Variants in NDUFAB1 observed in about 807,000 individuals in gnomAD.
The protein encoded by NDUFAB1 is acyl carrier protein, mitochondrial.
NDUFAB1 carries 5 observed loss-of-function variants against 16.1 expected under a neutral mutation model. That is an observed-to-expected ratio of 0.31 (90% CI 0.16 to 0.65). The LOEUF (loss-of-function observed/expected upper bound fraction) is 0.65, where lower values mean the gene tolerates loss of function less well. Among genes scored for constraint, NDUFAB1 ranks in the 30% least tolerant of loss-of-function variants. NDUFAB1 has a pLI of 0.77. For synonymous variants in NDUFAB1, 85 were observed against 78.4 expected (o/e 1.08, Z -0.44); for missense variants, 187 against 205.3 (o/e 0.91, Z 0.54).
At chr16:23,585,950 G>T (rs568358586) in intron 2 of NDUFAB1, among the ~76,000 whole-genome samples, 13 of 152,214 alleles carry the variant, frequency 8.5e-5, no homozygotes, top group African/African-American at 3.1e-4. Context: ...GGTTTTTTGA[G>T]AAAGTCTTGC....
intron 3 of NDUFAB1, among the ~76,000 whole-genome samples, chr16:23,583,241 G>A (rs1238080718): frequency 2.6e-5 from 4 of 152,094 alleles, no homozygotes; most frequent in Non-Finnish European, 4.4e-5. Context: ...GCCGCCCATC[G>A]TCTGGGATGT....
intron 1 of NDUFAB1, among the ~76,000 whole-genome samples, chr16:23,594,132 C>G (rs1000540966): frequency 6.6e-6 from 1 of 151,910 alleles, no homozygotes. Context: ...CCGCCCGTCT[C>G]GGCCTCCCAA....
chr16:23,591,178 T>A (rs466220), intron 1 of NDUFAB1: 12,928 of 151,916 alleles, frequency 0.085, 602 homozygotes, highest in East Asian at 0.17. Flanking sequence ...ATAAAAGGGA[T>A]ACAAAATGGA....
chr16:23,588,484 C>G, intron 1 of NDUFAB1, among the ~76,000 whole-genome samples: 1 of 151,984 alleles, frequency 6.6e-6, no homozygotes, highest in East Asian at 1.9e-4. Context: ...AATCCCTAAT[C>G]TAAATTGGTT....
intron 1 of NDUFAB1, among the ~76,000 whole-genome samples, chr16:23,590,638 C>CTCTTTTTTT (rs574003194): frequency 1.5e-5 from 2 of 131,834 alleles, no homozygotes; most frequent in African/African-American, 5.8e-5. Flanking sequence ...CCTCTGGTCT[C>CTCTTTTTTT]TTTTTTTTTT....
chr16:23,588,453 CAAAA>C (rs998387602), intron 1 of NDUFAB1, among the ~76,000 whole-genome samples: 2 of 151,144 alleles, frequency 1.3e-5, no homozygotes, highest in African/African-American at 2.4e-5. Flanking sequence ...GACTCCGTCT[CAAAA>C]AAAAGAAAAA....
At chr16:23,592,060 G>A (rs1210095765) in intron 1 of NDUFAB1, among the ~76,000 whole-genome samples, 6 of 152,214 alleles carry the variant, frequency 3.9e-5, no homozygotes, top group African/African-American at 1.4e-4. Context: ...AGTATCTGTA[G>A]GCTGATGCAA....
intron 3 of NDUFAB1, among the ~76,000 whole-genome samples, chr16:23,583,081 G>A (rs1323558444): frequency 6.6e-6 from 1 of 152,274 alleles, no homozygotes; most frequent in African/African-American, 2.4e-5. Context: ...GGCCTCCCGA[G>A]GTGCCGGGAT....
intron 1 of NDUFAB1, among the ~76,000 whole-genome samples, chr16:23,593,710 A>G (rs2142239218): frequency 6.6e-6 from 1 of 152,322 alleles, no homozygotes; most frequent in African/African-American, 2.4e-5. Flanking sequence ...TCTGTATTCC[A>G]GCCTAAGTGA....
Position 23,587,211 on chromosome 16 carries a change from T to C in NDUFAB1, c.277A>G (p.Ile93Val), listed in dbSNP as rs772169567. The C allele has an allele frequency of 2.5e-6, 4 of 1,613,526 alleles. No homozygotes were observed. The highest frequency in any genetic ancestry group is 2.5e-6 in the Non-Finnish European group (3 of 1,179,832). Reference protein sequence around the residue: ...VLYVLKLYDKIDPEKLSVNSH... With the variant: ...VLYVLKLYDKVDPEKLSVNSH... ...CCATCAGTTACCTTCTCTGGGTCAA[T>C]CTTGTCATAGAGTTTCAATACGTAA... The change falls in exon 2 of 5, where the codon ATT (isoleucine) becomes GTT (valine). Residue 93 changes from isoleucine to valine, a missense_variant. Physicochemically the swap from Ile to Val is conservative, Grantham distance 29. Around this residue, in one of 3 missense-constraint regions of NDUFAB1, gnomAD observed 135 missense variants for 129.4 expected, o/e 1.04. Transcript: ENST00000007516.
intron 1 of NDUFAB1, among the ~76,000 whole-genome samples, chr16:23,592,592 G>A (rs765818362): frequency 2.6e-5 from 4 of 152,192 alleles, no homozygotes; most frequent in Non-Finnish European, 5.9e-5. Flanking sequence ...AGAACTGCTG[G>A]AAATTATCTT....
intron 3 of NDUFAB1, among the ~76,000 whole-genome samples, chr16:23,583,384 C>T (rs533948711): frequency 6.6e-6 from 1 of 151,596 alleles, no homozygotes; most frequent in Non-Finnish European, 1.5e-5. Context: ...CGCCTCTGCC[C>T]GGCTGCCCAG....
chr16:23,582,108 A>G lies in NDUFAB1; in HGVS notation c.*8+168T>C, dbSNP rs886355384. On this transcript the variant is annotated intron_variant, in intron 4 of 4. Transcript: ENST00000007516. The stretch of plus-strand genomic sequence containing the variant: ...AGTTCTCAACCTCTCAAAGATCACC[A>G]CCAGGGCTGGGCCCCTTTGAGTGGC... 7.0e-6 allele frequency: 5 copies of G among 712,974 alleles called. No homozygotes were observed. In the African/African-American group the frequency reaches 9.3e-5, roughly 13 times the overall value. 44.2% of individuals were successfully genotyped at this position (712,974 alleles called of 1,614,324 possible).
intron 1 of NDUFAB1, chr16:23,595,341 G>A (rs1333449926): frequency 3.0e-6 from 1 of 335,810 alleles, no homozygotes; most frequent in Non-Finnish European, 5.9e-6. Context: ...ATCAGCTCAA[G>A]CTATATACTA....
intron 1 of NDUFAB1, among the ~76,000 whole-genome samples, 159 bp downstream of exon 1, chr16:23,595,964 G>T (rs1966321937): frequency 1.3e-5 from 2 of 152,228 alleles, no homozygotes; most frequent in South Asian, 4.1e-4. Context: ...CCCGTCAGGG[G>T]TCAACTAAAC....
chr16:23,590,638 C>CTATTTCTTTTTTTT (rs574003194), intron 1 of NDUFAB1, among the ~76,000 whole-genome samples: 98 of 131,846 alleles, frequency 7.4e-4, no homozygotes, highest in African/African-American at 2.2e-3. Flanking sequence ...CCTCTGGTCT[C>CTATTTCTTTTTTTT]TTTTTTTTTT....
At chr16:23,585,240 T>C (rs1966222865) in intron 3 of NDUFAB1, 96 bp downstream of exon 3, 1 of 892,386 alleles carries the variant, frequency 1.1e-6, no homozygotes. Context: ...TCTATTAATA[T>C]TTAATTCTAA....
At chr16:23,585,840 ATGCTAGTATG>A (rs1966227975) in intron 2 of NDUFAB1, among the ~76,000 whole-genome samples, 1 of 152,200 alleles carries the variant, frequency 6.6e-6, no homozygotes. Context: ...TATGTAACCT[ATGCTAGTATG>A]TACATGGTTT....
chr16:23,592,877 A>G (rs1373685000), intron 1 of NDUFAB1, among the ~76,000 whole-genome samples: 8 of 152,346 alleles, frequency 5.3e-5, no homozygotes, highest in South Asian at 2.1e-4. Flanking sequence ...AGCATGAGCA[A>G]TGGTCCAAAT....
Sources: gnomAD v4.1 joint callset for allele counts (sites outside exome capture counted in the v4.1 genomes callset) on GRCh38, gnomAD v4.1.1 for gene constraint, gnomAD v4.1.1 regional missense constraint, MANE v1.5 for transcripts, NCBI Gene and HGNC (gene_info 2026-07-23, HGNC 2026-07-21) for gene names.